RUNX1T1: variants seen among roughly 807,000 people sequenced by gnomAD.
RUNX1T1 encodes protein CBFA2T1.
RUNX1T1 carries 4 observed loss-of-function variants against 62.8 expected under a neutral mutation model. The observed-to-expected ratio is 0.06, with a 90% CI of 0.03 to 0.15. The LOEUF is 0.15. RUNX1T1 is among the 10% of genes least tolerant of loss of function. The probability of loss-of-function intolerance (pLI) is 1.00; values close to 1 mark genes in which losing one functional copy is unlikely to be tolerated. For synonymous variants in RUNX1T1, 291 were observed against 286.0 expected, an observed-to-expected ratio of 1.02 and a Z score of -0.18; for missense variants, 508 against 754.3, an observed-to-expected ratio of 0.67 and a Z score of 3.82.
intron 5 of RUNX1T1, among the ~76,000 whole-genome samples, chr8:91,999,958 G>A (rs1240978765): frequency 1.3e-5 from 2 of 152,076 alleles, no homozygotes; most frequent in Non-Finnish European, 2.9e-5. Context: ...AGTTGAAGCT[G>A]GAATGTGGAG....
chr8:92,051,040 C>T (rs1830151161), intron 1 of RUNX1T1, among the ~76,000 whole-genome samples: 1 of 152,166 alleles, frequency 6.6e-6, no homozygotes. Flanking sequence ...ATGAGCTCCC[C>T]ACCTAGTAAG....
intron 10 of RUNX1T1, among the ~76,000 whole-genome samples, chr8:91,963,705 G>A (rs1230279221): frequency 2.6e-5 from 4 of 152,216 alleles, no homozygotes; most frequent in African/African-American, 7.2e-5. Flanking sequence ...TAACAGCCAC[G>A]TGTCTATCCA....
intron 1 of RUNX1T1, among the ~76,000 whole-genome samples, chr8:92,058,444 G>A (rs1372479526): frequency 6.6e-6 from 1 of 152,230 alleles, no homozygotes; most frequent in Non-Finnish European, 1.5e-5. Context: ...CAATCCTAGA[G>A]TGGGAGGGGA....
chr8:92,078,179 A>C (rs1350963489), intron 1 of RUNX1T1, among the ~76,000 whole-genome samples: 2 of 151,964 alleles, frequency 1.3e-5, no homozygotes, highest in Non-Finnish European at 1.5e-5. Context: ...ATGAAACAAT[A>C]TATCACAATC....
chr8:91,957,503 T>G (rs907610937), downstream of RUNX1T1: 69 of 103,892 alleles, frequency 6.6e-4, no homozygotes, highest in African/African-American at 1.4e-3. Flanking sequence ...AGTTAGGGAT[T>G]TTTTTTTGTA....
At chr8:92,017,133 C>T in intron 2 of RUNX1T1, 93 bp downstream of exon 3, 1 of 964,922 alleles carries the variant, frequency 1.0e-6, no homozygotes, top group Non-Finnish European at 1.6e-6. Context: ...TACATTGATG[C>T]TGAATTTTAT....
chr8:92,086,864 C>T (rs1176310860), intron 1 of RUNX1T1, among the ~76,000 whole-genome samples: 1 of 152,206 alleles, frequency 6.6e-6, no homozygotes, highest in Non-Finnish European at 1.5e-5. Flanking sequence ...CGCTGGTCAT[C>T]CTTCTGCAAT....
At chr8:92,026,780 C>T (rs977568687) in intron 1 of RUNX1T1, among the ~76,000 whole-genome samples, 1 of 151,364 alleles carries the variant, frequency 6.6e-6, no homozygotes, top group African/African-American at 2.4e-5. Flanking sequence ...CAAGATCGTG[C>T]CACTGCACTC....
intron 8 of RUNX1T1, 46 bp from the exon 10 acceptor site, chr8:91,976,019 T>A: frequency 7.5e-7 from 1 of 1,328,598 alleles, no homozygotes; most frequent in Non-Finnish European, 1.1e-6. Flanking sequence ...GAGAGTACTG[T>A]AAGCACACTT....
intron 5 of RUNX1T1, among the ~76,000 whole-genome samples, chr8:91,995,380 T>C (rs1204436585): frequency 6.6e-6 from 1 of 152,182 alleles, no homozygotes; most frequent in Non-Finnish European, 1.5e-5. Context: ...GAGTCTGTTC[T>C]CTCACTTCAA....
At chr8:91,967,185 T>C (rs2130554112) in intron 10 of RUNX1T1, among the ~76,000 whole-genome samples, 1 of 152,316 alleles carries the variant, frequency 6.6e-6, no homozygotes, top group East Asian at 1.9e-4. Flanking sequence ...GGTTCAGAGT[T>C]AAACACTCAT....
At chr8:91,998,916 G>A (rs1467959985) in intron 5 of RUNX1T1, among the ~76,000 whole-genome samples, 1 of 152,082 alleles carries the variant, frequency 6.6e-6, no homozygotes, top group Non-Finnish European at 1.5e-5. Flanking sequence ...AAAGATGCCT[G>A]GAAGAGAGAC....
At chr8:92,004,977 C>T in intron 5 of RUNX1T1, 139 bp downstream of exon 6, 1 of 728,212 alleles carries the variant, frequency 1.4e-6, no homozygotes, top group South Asian at 2.2e-5. Flanking sequence ...GAGCCAGATT[C>T]TCAAGATGGC....
chr8:92,050,120 A>G (rs1304319615), intron 1 of RUNX1T1, among the ~76,000 whole-genome samples: 1 of 152,216 alleles, frequency 6.6e-6, no homozygotes, highest in African/African-American at 2.4e-5. Flanking sequence ...AGTAAATGAT[A>G]GACTGTTATT....
At chr8:92,008,555 AC>A (rs1586966266) in intron 4 of RUNX1T1, among the ~76,000 whole-genome samples, 1 of 152,234 alleles carries the variant, frequency 6.6e-6, no homozygotes, top group East Asian at 1.9e-4. Flanking sequence ...GCAATATTGA[AC>A]CAAGCAGGCA....
At chr8:92,018,294 A>C (rs1279900597) in intron 1 of RUNX1T1, among the ~76,000 whole-genome samples, 1 of 152,260 alleles carries the variant, frequency 6.6e-6, no homozygotes, top group African/African-American at 2.4e-5. Context: ...CTTTGGTTAT[A>C]ATAAACATTT....
chr8:92,088,618 T>A (rs1377572344), intron 1 of RUNX1T1, among the ~76,000 whole-genome samples: 1 of 152,182 alleles, frequency 6.6e-6, no homozygotes, highest in African/African-American at 2.4e-5. Context: ...AATATTAGGC[T>A]CTGGTCTCCT....
At chr8:91,964,316 T>C (rs1208241396) in intron 10 of RUNX1T1, among the ~76,000 whole-genome samples, 2 of 152,208 alleles carry the variant, frequency 1.3e-5, no homozygotes, top group Non-Finnish European at 2.9e-5. Context: ...ACAAAATATC[T>C]TTTATTTTGT....
At chr8:91,970,526 A>G in intron 10 of RUNX1T1, 132 bp downstream of exon 11, 1 of 743,958 alleles carries the variant, frequency 1.3e-6, no homozygotes, top group Non-Finnish European at 2.0e-6. Context: ...TTTCATGAAT[A>G]CCTTGACTTT....
Sources: allele counts gnomAD v4.1 joint callset (sites outside exome capture counted in the v4.1 genomes callset), GRCh38; gene constraint gnomAD v4.1.1; transcripts MANE v1.5; gene names NCBI Gene and HGNC (gene_info 2026-07-23, HGNC 2026-07-21).